Variants in CCDC83 observed in about 807,000 individuals in gnomAD.
CCDC83 encodes coiled-coil domain containing 83, also known as coiled-coil domain-containing protein 83.
Under a neutral mutation model 50.1 loss-of-function variants are expected in CCDC83, and 54 were observed. That is an observed-to-expected ratio of 1.08 (90% confidence interval 0.87 to 1.35). CCDC83 has a LOEUF of 1.35. CCDC83 is among the 40% of genes most tolerant of loss of function. The pLI is 0.00. For synonymous variants in CCDC83, 161 were observed against 153.3 expected (o/e 1.05, Z -0.37); for missense variants, 518 against 473.9 (o/e 1.09, Z -0.86).
chr11:85,913,480 G>C (rs1377961284), intron 8 of CCDC83, among the ~76,000 whole-genome samples: 1 of 152,194 alleles, frequency 6.6e-6, no homozygotes, highest in Non-Finnish European at 1.5e-5. Context: ...CCAAGCCAAA[G>C]GAATATTACA....
At position 85,911,280 on chromosome 11, in the gene CCDC83, G is replaced by T. The variant is rs970083973; in HGVS notation, c.673-1G>T. ...CATTCATTCTCTTCTTCTGAGAACA[G>T]GTTGCAATTCACAGGAAGGAAGTTG... On this transcript the variant is annotated splice_acceptor_variant, in intron 7 of 10. Coordinates refer to ENST00000342404, the MANE Select transcript of CCDC83 (RefSeq NM_001286159.2). LOFTEE classifies it high-confidence loss of function. 4 of 1,605,878 alleles carry T rather than the reference G, an allele frequency of 2.5e-6. No individual in the cohort carries two copies. The highest frequency in any genetic ancestry group is 3.4e-6 in the Non-Finnish European group (4 of 1,176,050).
At chr11:85,862,883 G>T (rs542497616) in intron 1 of CCDC83, among the ~76,000 whole-genome samples, 3 of 152,340 alleles carry the variant, frequency 2.0e-5, no homozygotes, top group Non-Finnish European at 2.9e-5. Flanking sequence ...TAAAGTGTGT[G>T]AAACAATGAA....
At chr11:85,914,304 A>G (rs1480996922) in intron 8 of CCDC83, among the ~76,000 whole-genome samples, 1 of 152,222 alleles carries the variant, frequency 6.6e-6, no homozygotes, top group Admixed American at 6.5e-5. Context: ...CAAGCGTTCA[A>G]TTACTTCATG....
At chr11:85,890,248 C>T (rs2093345415) in intron 5 of CCDC83, among the ~76,000 whole-genome samples, 1 of 152,168 alleles carries the variant, frequency 6.6e-6, no homozygotes, top group South Asian at 2.1e-4. Flanking sequence ...CAGCAGAACA[C>T]AGAAGAGGTG....
chr11:85,859,881 C>T (rs1200390430), intron 1 of CCDC83, among the ~76,000 whole-genome samples: 1 of 152,136 alleles, frequency 6.6e-6, no homozygotes, highest in African/African-American at 2.4e-5. Flanking sequence ...AAACAGACAA[C>T]CTGCAGAATG....
intron 7 of CCDC83, among the ~76,000 whole-genome samples, chr11:85,909,473 C>T (rs1019821383): frequency 5.9e-5 from 9 of 152,142 alleles, no homozygotes; most frequent in Admixed American, 5.9e-4. Context: ...CCATGAGCAC[C>T]TCCTGATCCA....
intron 5 of CCDC83, among the ~76,000 whole-genome samples, chr11:85,887,818 T>C (rs2093334187): frequency 6.7e-6 from 1 of 150,304 alleles, no homozygotes; most frequent in Non-Finnish European, 1.5e-5. Context: ...TTTTTTTTTT[T>C]TCGAGACACG....
chr11:85,883,633 T>C (rs2093312588), intron 4 of CCDC83, among the ~76,000 whole-genome samples: 1 of 152,158 alleles, frequency 6.6e-6, no homozygotes, highest in Non-Finnish European at 1.5e-5. Flanking sequence ...GCTGCTAAGA[T>C]TTCTAGGACC....
At chr11:85,862,256 T>C (rs1215015310) in intron 1 of CCDC83, among the ~76,000 whole-genome samples, 1 of 151,500 alleles carries the variant, frequency 6.6e-6, no homozygotes. Flanking sequence ...AATGATGGAG[T>C]AGATTCTGGA....
At chr11:85,915,278 G>C in intron 8 of CCDC83, 141 bp from the exon 9 acceptor site, 1 of 605,232 alleles carries the variant, frequency 1.7e-6, no homozygotes, top group South Asian at 2.1e-5. Flanking sequence ...CACCCCACTG[G>C]GCTTTATGCT....
At chr11:85,880,927 T>C (rs1215908816) in intron 3 of CCDC83, among the ~76,000 whole-genome samples, 1 of 152,224 alleles carries the variant, frequency 6.6e-6, no homozygotes, top group African/African-American at 2.4e-5. Flanking sequence ...CATATACACC[T>C]TATACACATA....
intron 6 of CCDC83, among the ~76,000 whole-genome samples, chr11:85,895,968 CA>C (rs1470159407): frequency 6.6e-6 from 1 of 152,154 alleles, no homozygotes; most frequent in African/African-American, 2.4e-5. Flanking sequence ...CATGTGCCAC[CA>C]CTCTTGGCTA....
chr11:85,905,657 G>A (rs1294227166), intron 7 of CCDC83, among the ~76,000 whole-genome samples: 2 of 150,264 alleles, frequency 1.3e-5, no homozygotes, highest in Non-Finnish European at 3.0e-5. Context: ...AAACCTCAAG[G>A]TGAGCTCAAC....
chr11:85,915,410 T>C lies in CCDC83; in HGVS notation c.795-9T>C, dbSNP rs200684728. ...ACTGACAGATTGTTTTTCTCATTTGTTCTTTTAGGCGACTATATCTTACCC... is the reference window on the plus strand; with the variant it reads ...ACTGACAGATTGTTTTTCTCATTTGCTCTTTTAGGCGACTATATCTTACCC... On this transcript the variant is annotated splice_polypyrimidine_tract_variant and intron_variant, in intron 8 of 10. Coordinates refer to ENST00000342404, the MANE Select transcript of CCDC83 (RefSeq NM_001286159.2). 2 of 1,600,490 alleles carry C rather than the reference T, an allele frequency of 1.2e-6. No individual in the cohort carries two copies. The highest frequency in any genetic ancestry group is 1.7e-6 in the Non-Finnish European group (2 of 1,172,108).
At chr11:85,855,651 T>G (rs896426853) in intron 1 of CCDC83, 67 bp downstream of exon 1, 1 of 152,282 alleles carries the variant, frequency 6.6e-6, no homozygotes, top group African/African-American at 2.4e-5. Flanking sequence ...AGACTAAGAA[T>G]GCCTTCCATT....
At chr11:85,865,914 A>G (rs1009362246) in intron 2 of CCDC83, among the ~76,000 whole-genome samples, 3 of 151,508 alleles carry the variant, frequency 2.0e-5, no homozygotes, top group African/African-American at 7.3e-5. Flanking sequence ...AAAAAAAAAA[A>G]GAGAGAATGG....
chr11:85,901,970 G>T (rs2093404527), intron 7 of CCDC83, among the ~76,000 whole-genome samples: 1 of 152,110 alleles, frequency 6.6e-6, no homozygotes, highest in Non-Finnish European at 1.5e-5. Flanking sequence ...GGTCAAGGCT[G>T]CAGTGAGCTA....
chr11:85,913,968 T>C (rs2093466330), intron 8 of CCDC83, among the ~76,000 whole-genome samples: 1 of 152,260 alleles, frequency 6.6e-6, no homozygotes, highest in South Asian at 2.1e-4. Flanking sequence ...CTGAAGGTTA[T>C]GGCATTTAGA....
At chr11:85,866,666 C>A (rs374897914) in intron 2 of CCDC83, among the ~76,000 whole-genome samples, 1,328 of 93,716 alleles carry the variant, frequency 0.014, 11 homozygotes, top group Non-Finnish European at 0.026. Flanking sequence ...AAAAACAAAA[C>A]AAAAAAAAAA....
Sources: allele counts gnomAD v4.1 joint callset (sites outside exome capture counted in the v4.1 genomes callset), GRCh38; gene constraint gnomAD v4.1.1; transcripts MANE v1.5; gene names NCBI Gene and HGNC (gene_info 2026-07-23, HGNC 2026-07-21).